The following BSND variants were observed in gnomAD, a reference collection of about 807,000 sequenced individuals.
The protein encoded by BSND is barttin CLCNK type accessory subunit beta.
A neutral mutation model predicts 18.8 loss-of-function variants in BSND; 13 were observed. The observed-to-expected ratio is 0.69, with a 90% CI of 0.45 to 1.10. BSND has a LOEUF of 1.10. BSND is among the 50% of genes least tolerant of loss of function. The probability of loss-of-function intolerance (pLI) is 0.00; values close to 1 mark genes in which losing one functional copy is unlikely to be tolerated. For synonymous variants in BSND, 170 were observed against 161.8 expected, an observed-to-expected ratio of 1.05 and a Z score of -0.39; for missense variants, 379 against 416.7, an observed-to-expected ratio of 0.91 and a Z score of 0.79.
intron 3 of BSND, 82 bp downstream of exon 3, chr1:55,007,354 G>C: frequency 7.2e-7 from 1 of 1,397,536 alleles, no homozygotes. Context: ...GCCGAGGGGT[G>C]GGTGGGGACA....
rs964456075 is a variant in BSND at position 55,014,660 on chromosome 1, G to C, written c.*6032G>C. On this transcript the variant is annotated 3_prime_UTR_variant, in exon 4 of 4. Coordinates refer to ENST00000651561, the MANE Select transcript of BSND (RefSeq NM_057176.3). The stretch of plus-strand genomic sequence containing the variant: ...TTCCAAGTGCCTGTCAATGGACCCA[G>C]CTGGGCTGGTGGCATCAGACTCTCC... Among the ~76,000 whole-genome samples the C allele has an allele frequency of 2.6e-5, 4 of 152,210 alleles. No homozygotes were observed. The highest frequency in any genetic ancestry group is 4.4e-5 in the Non-Finnish European group (3 of 68,034).
intron 1 of BSND, among the ~76,000 whole-genome samples, chr1:55,004,204 A>G (rs1418603101): frequency 6.6e-6 from 1 of 152,252 alleles, no homozygotes; most frequent in Non-Finnish European, 1.5e-5. Flanking sequence ...TCATATGGAT[A>G]GACTATATTT....
At chr1:55,005,237 T>A in intron 2 of BSND, 121 bp downstream of exon 2, 1 of 817,842 alleles carries the variant, frequency 1.2e-6, no homozygotes, top group Non-Finnish European at 2.0e-6. Context: ...GAGAATGTAT[T>A]AGAAATTATG....
Position 55,016,267 on chromosome 1 carries a change from C to A in BSND, c.*7639C>A, listed in dbSNP as rs1644450933. On this transcript the variant is annotated 3_prime_UTR_variant, in exon 4 of 4. Coordinates refer to ENST00000651561, the MANE Select transcript of BSND (RefSeq NM_057176.3). ...GAGACAGAGAGAGAGAACTAGAAAT[C>A]AGACAGGAAAAGAAAGGGAATTCAT... Among the ~76,000 whole-genome samples, 1 of 152,118 alleles carries A rather than the reference C, an allele frequency of 6.6e-6. No homozygotes were observed. Among genetic ancestry groups the A allele is most frequent in the Admixed American group, 6.5e-5 (1 of 15,278 alleles).
Position 55,007,158 on chromosome 1 carries a change from A to T in BSND, c.434A>T (p.Asp145Val), listed in dbSNP as rs1171557073. Residue 145 changes from aspartate (D) to valine (V), a missense_variant, in exon 3 of 4, where the codon GAT becomes GTT. Transcript: ENST00000651561. The part of the protein sequence containing the change: ...EMGQPKLGTS[D>V]GGEGGPGDVQ... ...GGGCAGCCGAAGCTGGGAACCAGTG[A>T]TGGAGGAGAAGGTGGCCCTGGCGAC... 1 of 1,614,178 alleles carries T rather than the reference A, an allele frequency of 6.2e-7. No individual in the cohort carries two copies. The highest frequency in any genetic ancestry group is 1.1e-5 in the South Asian group (1 of 91,084).
chr1:55,008,321 A>C lies in BSND; in HGVS notation c.656A>C (p.Glu219Ala). ...CCCAATGCATCTCCACATGACAGGG[A>C]GGAAGCTTGTTCCCCACAACAGGAA... is the stretch of plus-strand genomic sequence containing the variant. ...SSPNASPHDR[E>A]EACSPQQEPQ... Residue 219 changes from glutamate (E) to alanine (A), a missense_variant, in exon 4 of 4, where the codon GAG becomes GCG. By Grantham distance (107) the Glu-to-Ala change is moderately radical. Transcript: ENST00000651561. 6.2e-7 allele frequency: 1 copy of C among 1,614,196 alleles called. No homozygotes were observed. Among genetic ancestry groups the C allele is most frequent in the Non-Finnish European group, 8.5e-7 (1 of 1,180,024 alleles).
rs1394672145 is a variant in BSND at position 55,011,083 on chromosome 1, G to A, written c.*2455G>A. On this transcript the variant is annotated 3_prime_UTR_variant, in exon 4 of 4. Transcript: ENST00000651561. ...TTCCCCACACCCCTGAACCACAACC[G>A]CAGTGGCTTTAGACTTAAACAAGAG... The A allele has an allele frequency of 2.6e-5, 4 of 152,214 alleles. No individual in the cohort carries two copies. The highest frequency in any genetic ancestry group is 3.9e-4 in the East Asian group (2 of 5,180). 9.4% of individuals were successfully genotyped at this position (152,214 alleles called of 1,614,324 possible). A position where few individuals can be genotyped will look rare whatever the true frequency, so the allele number is the denominator to read the frequency against.
At chr1:55,004,920 C>T (rs925754050) in intron 1 of BSND, 102 bp from the exon 2 acceptor site, 23 of 1,083,602 alleles carry the variant, frequency 2.1e-5, no homozygotes, top group African/African-American at 3.1e-5. Context: ...GTGGTGCAGC[C>T]TGTCTCCCAG....
intron 1 of BSND, among the ~76,000 whole-genome samples, chr1:55,001,016 A>G (rs1210914694): frequency 6.6e-6 from 1 of 152,114 alleles, no homozygotes; most frequent in East Asian, 1.9e-4. Context: ...AACTGTTGAT[A>G]GATTCATGGG....
At chr1:55,007,346 C>T (rs758169410) in intron 3 of BSND, 74 bp downstream of exon 3, 45 of 357,152 alleles carry the variant, frequency 1.3e-4, no homozygotes, top group Middle Eastern at 6.6e-4. Context: ...GGGGGACCGC[C>T]GAGGGGTGGG....
chr1:55,005,235 A>G, intron 2 of BSND, 119 bp downstream of exon 2: 2 of 814,358 alleles, frequency 2.5e-6, no homozygotes, highest in South Asian at 1.6e-5. Flanking sequence ...CTGAGAATGT[A>G]TTAGAAATTA....
intron 2 of BSND, 63 bp from the exon 3 acceptor site, chr1:55,006,934 G>T: frequency 1.9e-6 from 3 of 1,610,406 alleles, no homozygotes; most frequent in Admixed American, 3.3e-5. Context: ...AACAGGGCCG[G>T]GGAGAACACT....
At chr1:55,004,908 C>T (rs1258793671) in intron 1 of BSND, 114 bp from the exon 2 acceptor site, 5 of 956,100 alleles carry the variant, frequency 5.2e-6, no homozygotes, top group South Asian at 4.1e-5. Context: ...AGGGAGGCCT[C>T]CGTGGTGCAG....
rs1644454244 is a variant in BSND, at chr1:55,016,903, A to C, written c.*8275A>C. Among the ~76,000 whole-genome samples, 1 of 152,244 alleles carries C rather than the reference A, an allele frequency of 6.6e-6. No individual in the cohort carries two copies. The highest frequency in any genetic ancestry group is 1.5e-5 in the Non-Finnish European group (1 of 68,036). ...ATCATGCCACAGCTATGCAAGGGAC[A>C]GATACACGGCCATTCAAAACAGTGA... On this transcript the variant is annotated 3_prime_UTR_variant, in exon 4 of 4. Transcript: ENST00000651561.
At chr1:55,000,338 A>G (rs899127477) in intron 1 of BSND, among the ~76,000 whole-genome samples, 8 of 152,220 alleles carry the variant, frequency 5.3e-5, no homozygotes, top group Middle Eastern at 3.4e-3. Flanking sequence ...CCAGGGAGAA[A>G]AGGAGGGAAA....
chr1:54,999,056 C>A lies in BSND; in HGVS notation c.-131C>A. 8.9e-7 allele frequency: 1 copy of A among 1,129,418 alleles called. No homozygotes were observed. The highest frequency in any genetic ancestry group is 1.3e-6 in the Non-Finnish European group (1 of 780,976). 70.0% of individuals were successfully genotyped at this position (1,129,418 alleles called of 1,614,324 possible). On this transcript the variant is annotated 5_prime_UTR_variant, in exon 1 of 4. Transcript: ENST00000651561. ...GAGCGGGATTGAAAGGGATCTTGCT[C>A]TCCCTTGAAGCCTTGAGTTGCAGCG...
At position 55,013,973 on chromosome 1, in the gene BSND, T is replaced by C. The variant is rs74072660; in HGVS notation, c.*5345T>C. ...TCCCTGGAGCCTGAATTAGCCCTGC[T>C]CTCCCCTTCCACGGTGGAATCCATC... On this transcript the variant is annotated 3_prime_UTR_variant, in exon 4 of 4. Transcript: ENST00000651561. 8.5e-3 allele frequency among the ~76,000 whole-genome samples: 1,298 copies of C among 152,174 alleles called. 15 individuals are homozygous for C. The highest frequency in any genetic ancestry group is 0.029 in the African/African-American group (1,205 of 41,498).
chr1:55,010,969 G>C lies in BSND; in HGVS notation c.*2341G>C, dbSNP rs1444490139. On this transcript the variant is annotated 3_prime_UTR_variant, in exon 4 of 4. Transcript: ENST00000651561. ...GGATACGTGAGGCCTTACGCCTGAC[G>C]GGCACCAGAGGCCCTCTTCCGGAAG... 6.6e-6 allele frequency: 1 copy of C among 152,200 alleles called. No individual in the cohort carries two copies. The highest frequency in any genetic ancestry group is 2.4e-5 in the African/African-American group (1 of 41,440). 9.4% of individuals were successfully genotyped at this position (152,200 alleles called of 1,614,324 possible).
intron 1 of BSND, 31 bp from the exon 2 acceptor site, chr1:55,004,991 T>G (rs761070975): frequency 6.2e-7 from 1 of 1,608,134 alleles, no homozygotes. Context: ...CCTGGTCAAC[T>G]GCACAGAGGC....
Sources: allele counts gnomAD v4.1 joint callset (sites outside exome capture counted in the v4.1 genomes callset), GRCh38; gene constraint gnomAD v4.1.1; transcripts MANE v1.5; gene names NCBI Gene and HGNC (gene_info 2026-07-23, HGNC 2026-07-21).